Variants in VPS13B observed in about 807,000 individuals in gnomAD.
VPS13B encodes the protein vacuolar protein sorting 13 homolog B, also known as intermembrane lipid transfer protein VPS13B.
Under a neutral mutation model 426.4 loss-of-function variants are expected in VPS13B, and 285 were observed. The ratio of observed to expected loss-of-function variants is 0.67; its 90% CI spans 0.61 to 0.74. The LOEUF (loss-of-function observed/expected upper bound fraction) is 0.74, where lower values mean the gene tolerates loss of function less well. Among genes scored for constraint, VPS13B ranks in the 30% least tolerant of loss-of-function variants. The pLI is 0.00. For synonymous variants in VPS13B, 1,676 were observed against 1,676.4 expected (o/e 1.00, Z 0.01); for missense variants, 4,537 against 4,782.6 (o/e 0.95, Z 1.51).
In VPS13B at chr8:99,121,436, G is replaced by A; in HGVS notation, c.1197G>A (p.Val399=). The part of the protein sequence containing the change: ...SIGFYCTKAT[V]TFKLTEMQVE... ...GATTTTATTGCACAAAGGCAACGGTGACTTTCAAAGTAGGTCTTTTCTCTT... is the reference window on the plus strand; with the variant it reads ...GATTTTATTGCACAAAGGCAACGGTAACTTTCAAAGTAGGTCTTTTCTCTT... The change falls in exon 8 of 62, where the codon GTG becomes GTA. Residue 399 remains valine (V), a synonymous_variant. Transcript: ENST00000357162. 1 of 1,614,138 alleles carries A rather than the reference G, an allele frequency of 6.2e-7. No individual in the cohort carries two copies. The highest frequency in any genetic ancestry group is 1.1e-5 in the South Asian group (1 of 91,060).
intron 23 of VPS13B, among the ~76,000 whole-genome samples, chr8:99,443,690 A>C (rs922845517): frequency 6.6e-6 from 1 of 152,170 alleles, no homozygotes; most frequent in African/African-American, 2.4e-5. Context: ...TCTTATGGAT[A>C]TATCAAATTT....
intron 20 of VPS13B, among the ~76,000 whole-genome samples, chr8:99,384,760 G>A (rs1458200644): frequency 1.3e-5 from 2 of 152,076 alleles, no homozygotes; most frequent in South Asian, 2.1e-4. Flanking sequence ...TGATTCTCTC[G>A]GGACTACCTC....
chr8:99,568,587 G>GA (rs1317731015), intron 31 of VPS13B, among the ~76,000 whole-genome samples: 3 of 151,874 alleles, frequency 2.0e-5, no homozygotes, highest in African/African-American at 7.3e-5. Context: ...CACCATGCCT[G>GA]GCCAACTATT....
chr8:99,652,612 C>T (rs967952473), intron 34 of VPS13B, among the ~76,000 whole-genome samples: 5 of 151,338 alleles, frequency 3.3e-5, no homozygotes, highest in East Asian at 3.9e-4. Context: ...TTTGAGTAAA[C>T]GAACAGTTGA....
intron 43 of VPS13B, among the ~76,000 whole-genome samples, chr8:99,785,497 T>G (rs1046047766): frequency 1.3e-5 from 2 of 152,180 alleles, no homozygotes; most frequent in Non-Finnish European, 2.9e-5. Context: ...CACATTAATC[T>G]GACAGGACAC....
intron 14 of VPS13B, among the ~76,000 whole-genome samples, chr8:99,153,315 A>G (rs1811174233): frequency 1.3e-5 from 2 of 152,324 alleles, no homozygotes; most frequent in Non-Finnish European, 1.5e-5. Context: ...TATTGATATA[A>G]TTGGACTAAC....
chr8:99,465,427 T>C (rs553481901), intron 23 of VPS13B, among the ~76,000 whole-genome samples: 16 of 149,864 alleles, frequency 1.1e-4, no homozygotes, highest in African/African-American at 3.4e-4. Flanking sequence ...TTTTTAGGAG[T>C]TAGGGTATGA....
intron 2 of VPS13B, among the ~76,000 whole-genome samples, chr8:99,029,797 GGGAGAGGGAGAC>G (rs1842417456): frequency 6.8e-6 from 1 of 147,052 alleles, no homozygotes; most frequent in Admixed American, 6.8e-5. Flanking sequence ...GAGAGGGAGA[GGGAGAGGGAGAC>G]GGAGAGGGAG....
At chr8:99,329,437 A>G (rs1486034747) in intron 19 of VPS13B, among the ~76,000 whole-genome samples, 1 of 152,100 alleles carries the variant, frequency 6.6e-6, no homozygotes, top group African/African-American at 2.4e-5. Context: ...TTTTGACAAA[A>G]TCACCTTAGG....
intron 42 of VPS13B, 37 bp from the exon 43 acceptor site, chr8:99,784,278 C>G: frequency 6.2e-7 from 1 of 1,613,268 alleles, no homozygotes. Flanking sequence ...TACAATTAAT[C>G]CGATCCATGT....
chr8:99,298,172 T>G (rs1419172497), intron 19 of VPS13B, among the ~76,000 whole-genome samples: 1 of 152,222 alleles, frequency 6.6e-6, no homozygotes, highest in African/African-American at 2.4e-5. Context: ...CCAGTGAGTC[T>G]TTCTTGTCTA....
At chr8:99,056,920 A>G (rs1359222973) in intron 3 of VPS13B, among the ~76,000 whole-genome samples, 2 of 152,122 alleles carry the variant, frequency 1.3e-5, no homozygotes, top group Non-Finnish European at 1.5e-5. Flanking sequence ...TTTTTTCAGC[A>G]TGTAAGTCCT....
At chr8:99,492,051 G>A (rs1820633372) in intron 25 of VPS13B, among the ~76,000 whole-genome samples, 1 of 152,100 alleles carries the variant, frequency 6.6e-6, no homozygotes, top group African/African-American at 2.4e-5. Flanking sequence ...GTTTTGGTGT[G>A]GATGTCCTTC....
chr8:99,102,658 T>C (rs1846819749), intron 4 of VPS13B, among the ~76,000 whole-genome samples: 1 of 152,188 alleles, frequency 6.6e-6, no homozygotes. Context: ...GGATAATCAT[T>C]GTATGGGATC....
intron 35 of VPS13B, among the ~76,000 whole-genome samples, chr8:99,676,738 G>C (rs1031632609): frequency 6.6e-6 from 1 of 151,776 alleles, no homozygotes; most frequent in African/African-American, 2.4e-5. Flanking sequence ...TGCTATGAGG[G>C]GATGATCGCT....
intron 19 of VPS13B, among the ~76,000 whole-genome samples, chr8:99,362,139 CTT>C (rs71273181): frequency 1.7e-5 from 2 of 119,746 alleles, no homozygotes. Context: ...TTTAATTTGT[CTT>C]TTTTTTTTTT....
chr8:99,594,283 T>A (rs1312791822), intron 33 of VPS13B, among the ~76,000 whole-genome samples: 1 of 151,954 alleles, frequency 6.6e-6, no homozygotes, highest in Non-Finnish European at 1.5e-5. Context: ...ACTTTCTGTG[T>A]GGCCTTGGAC....
At chr8:99,656,340 A>C (rs1830016861) in intron 34 of VPS13B, among the ~76,000 whole-genome samples, 1 of 152,210 alleles carries the variant, frequency 6.6e-6, no homozygotes, top group Admixed American at 6.5e-5. Context: ...GCATAGGGAC[A>C]GGAGCGTAAA....
chr8:99,863,031 C>A (rs1329282067), intron 58 of VPS13B, among the ~76,000 whole-genome samples: 1 of 152,074 alleles, frequency 6.6e-6, no homozygotes, highest in Non-Finnish European at 1.5e-5. Context: ...GGCAGTGGAC[C>A]CTGCCCTCAG....
Sources: gnomAD v4.1 joint callset for allele counts (sites outside exome capture counted in the v4.1 genomes callset) on GRCh38, gnomAD v4.1.1 for gene constraint, MANE v1.5 for transcripts, NCBI Gene and HGNC (gene_info 2026-07-23, HGNC 2026-07-21) for gene names.